Variants in RBM22 observed in about 807,000 individuals in gnomAD.
RBM22 encodes the protein RNA binding motif protein 22, also known as pre-mRNA-splicing factor RBM22.
A neutral mutation model predicts 50.1 loss-of-function variants in RBM22; 1 was observed. That is an observed-to-expected ratio of 0.02 (90% CI 0.01 to 0.09). RBM22 has a LOEUF of 0.09. RBM22 is among the 10% of genes least tolerant of loss of function. The pLI, the probability that RBM22 is intolerant of heterozygous loss-of-function variation, is 1.00. For missense variants in RBM22, 264 were observed against 529.3 expected, an observed-to-expected ratio of 0.50 and a Z score of 4.92; for synonymous variants, 152 against 179.0, an observed-to-expected ratio of 0.85 and a Z score of 1.20.
chr5:150,693,374 T>C (rs1759234745), intron 8 of RBM22, 67 bp from the exon 9 acceptor site: 1 of 1,258,150 alleles, frequency 7.9e-7, no homozygotes, highest in African/African-American at 1.5e-5. Flanking sequence ...GCTTCTTACA[T>C]TCCCCAGTCC....
intron 4 of RBM22, 145 bp from the exon 5 acceptor site, chr5:150,697,036 A>ATG (rs1454950182): frequency 3.1e-5 from 24 of 768,458 alleles, no homozygotes; most frequent in Non-Finnish European, 4.5e-5. Context: ...CAAACTCTTT[A>ATG]GCACCATCAG....
chr5:150,699,304 G>A, intron 2 of RBM22, 33 bp from the exon 3 acceptor site: 1 of 1,543,200 alleles, frequency 6.5e-7, no homozygotes, highest in Non-Finnish European at 8.7e-7. Flanking sequence ...AAGAACTGGA[G>A]TTACAGAAAG....
At chr5:150,699,058 G>A (rs1369104523) in intron 3 of RBM22, among the ~76,000 whole-genome samples, 184 bp downstream of exon 3, 2 of 152,110 alleles carry the variant, frequency 1.3e-5, no homozygotes, top group African/African-American at 4.8e-5. Flanking sequence ...CTCTACATTA[G>A]AGGGTTCATT....
intron 3 of RBM22, 45 bp from the exon 4 acceptor site, chr5:150,698,676 T>C (rs1759307397): frequency 1.3e-6 from 2 of 1,599,730 alleles, no homozygotes; most frequent in Non-Finnish European, 1.7e-6. Context: ...GGTCCTGATC[T>C]GGGCAATCTG....
chr5:150,700,644 G>C (rs905673195), intron 1 of RBM22, 147 bp from the exon 2 acceptor site: 1 of 1,532,434 alleles, frequency 6.5e-7, no homozygotes, highest in African/African-American at 1.4e-5. Flanking sequence ...GATCGCGGGA[G>C]GGGGCGCTGT....
At chr5:150,695,319 T>C in intron 7 of RBM22, 187 bp downstream of exon 7, 2 of 597,808 alleles carry the variant, frequency 3.3e-6, no homozygotes, top group Non-Finnish European at 5.9e-6. Flanking sequence ...CCCAGCCACA[T>C]AAGCACATTA....
chr5:150,699,466 TTA>T (rs1759317315), intron 2 of RBM22, among the ~76,000 whole-genome samples, 195 bp from the exon 3 acceptor site: 1 of 152,144 alleles, frequency 6.6e-6, no homozygotes, highest in Admixed American at 6.5e-5. Context: ...TAACAACATA[TTA>T]TAAGTGATAA....
At chr5:150,700,283 C>T (rs1759328649) in intron 2 of RBM22, among the ~76,000 whole-genome samples, 161 bp downstream of exon 2, 1 of 152,196 alleles carries the variant, frequency 6.6e-6, no homozygotes, top group South Asian at 2.1e-4. Context: ...TTACCGGATT[C>T]GTAAGAGAAT....
chr5:150,695,466 G>T, intron 7 of RBM22, 40 bp downstream of exon 7: 1 of 1,520,444 alleles, frequency 6.6e-7, no homozygotes, highest in Non-Finnish European at 9.0e-7. Flanking sequence ...TTCCAGGGCA[G>T]TTAAAGGCAA....
rs186354944 is a variant in RBM22, at chr5:150,696,226, C to T, written c.545+307G>A. Among the ~76,000 whole-genome samples, 81 of 152,206 alleles carry T rather than the reference C, an allele frequency of 5.3e-4. No individual in the cohort carries two copies. Among genetic ancestry groups the T allele is most frequent in the Middle Eastern group, 3.4e-3 (1 of 294 alleles). On this transcript the variant is annotated intron_variant, in intron 6 of 10. Coordinates refer to ENST00000199814, the MANE Select transcript of RBM22 (RefSeq NM_018047.3). The surrounding 1 kb of genome is among the most constrained non-coding windows in gnomAD (Gnocchi z 4.3). The stretch of plus-strand genomic sequence containing the variant: ...CTTTAGAAGTCTGACCTTACTTTGA[C>T]TTCAACTATACATTGAGAGTCAACT...
At chr5:150,700,898 C>T (rs1242269998) in intron 1 of RBM22, 34 bp downstream of exon 1, 21 of 1,614,200 alleles carry the variant, frequency 1.3e-5, no homozygotes, top group Non-Finnish European at 1.7e-5. Flanking sequence ...GGCTTCGCCT[C>T]CTCCTTCCAT....
chr5:150,698,946 A>G (rs1213939525), intron 3 of RBM22, among the ~76,000 whole-genome samples: 1 of 152,164 alleles, frequency 6.6e-6, no homozygotes, highest in Non-Finnish European at 1.5e-5. Context: ...GAAGCTTCTG[A>G]CAAGAATGAC....
In RBM22 at chr5:150,693,314, A is replaced by G. The variant is rs1178692204; in HGVS notation, c.912-7T>C. On this transcript the variant is annotated splice_region_variant and splice_polypyrimidine_tract_variant and intron_variant, in intron 8 of 10. Coordinates refer to ENST00000199814, the MANE Select transcript of RBM22 (RefSeq NM_018047.3). ...TCCTCTGGCTGCCTGGGATCTGGGA[A>G]ACACACATGCATACAGTCGGCACTC... 4 of 1,608,876 alleles carry G rather than the reference A, an allele frequency of 2.5e-6. No individual in the cohort carries two copies. The highest frequency in any genetic ancestry group is 4.5e-5 in the East Asian group (2 of 44,878).
chr5:150,696,655 T>A lies in RBM22; in HGVS notation c.423A>T (p.Thr141=). The change falls in exon 6 of 11, where the codon ACA becomes ACT. Residue 141 remains threonine (T), a synonymous_variant. Transcript: ENST00000199814. The surrounding 1 kb of genome is among the most constrained non-coding windows in gnomAD (Gnocchi z 4.3). ...TRPVGMLGKA[T]STSDMLLKLA... is the part of the protein sequence containing the mutation. ...GTTTGAGCAGCATGTCACTGGTAGA[T>A]GTGGCTTTCCCCAGCATGCCAACTG... The A allele has an allele frequency of 2.5e-6, 4 of 1,614,204 alleles. No individual in the cohort carries two copies. The highest frequency in any genetic ancestry group is 3.4e-6 in the Non-Finnish European group (4 of 1,180,028).
At position 150,696,825 on chromosome 5, in the gene RBM22, T is replaced by G; in HGVS notation, c.338A>C (p.Asn113Thr). 6.2e-7 allele frequency: 1 copy of G among 1,614,248 alleles called. No homozygotes were observed. Among genetic ancestry groups the G allele is most frequent in the South Asian group, 1.1e-5 (1 of 91,090 alleles). Residue 113 changes from asparagine (N) to threonine (T), a missense_variant, in exon 5 of 11, where the codon AAC becomes ACC. Physicochemically the swap from Asn to Thr is moderately conservative, Grantham distance 65. This residue lies in a region of RBM22 where 44 missense variants were observed against 57.9 expected (regional missense o/e 0.76). Coordinates refer to ENST00000199814, the MANE Select transcript of RBM22 (RefSeq NM_018047.3). This position sits in a 1 kb window ranked among gnomAD's most constrained non-coding sequence, Gnocchi z 4.3. ...FKDDMPKSDV[N>T]KEYYTQNMER... ...CATATTCTGTGTATAGTACTCTTTG[T>G]TGACATCTGACTTTGGCATGTCATC...
intron 7 of RBM22, 182 bp from the exon 8 acceptor site, chr5:150,694,422 GAAGGA>G (rs1759247932): frequency 7.4e-6 from 7 of 941,020 alleles, no homozygotes; most frequent in Non-Finnish European, 1.0e-5. Context: ...CTGATTGAGA[GAAGGA>G]AAGAAAAATA....
intron 9 of RBM22, 74 bp downstream of exon 9, chr5:150,693,145 C>G (rs75502342): frequency 1.9e-6 from 3 of 1,554,466 alleles, no homozygotes; most frequent in Non-Finnish European, 2.6e-6. Context: ...TGAACCAGAC[C>G]TGGGTCCCAT....
At chr5:150,699,157 C>A in intron 3 of RBM22, 85 bp downstream of exon 3, 2 of 1,510,016 alleles carry the variant, frequency 1.3e-6, no homozygotes, top group Non-Finnish European at 1.8e-6. Flanking sequence ...ACTGGAAGAC[C>A]TCAAAACTTA....
chr5:150,700,604 A>C (rs771767112), intron 1 of RBM22, 107 bp from the exon 2 acceptor site: 9 of 1,570,578 alleles, frequency 5.7e-6, no homozygotes, highest in Non-Finnish European at 7.8e-6. Context: ...GGAACTAGGC[A>C]CGGCAGGAAC....
Sources: gnomAD v4.1 joint callset for allele counts (sites outside exome capture counted in the v4.1 genomes callset) on GRCh38, gnomAD v4.1.1 for gene constraint, gnomAD v4.1.1 regional missense constraint, Gnocchi (gnomAD v3.1) non-coding constraint, MANE v1.5 for transcripts, NCBI Gene and HGNC (gene_info 2026-07-23, HGNC 2026-07-21) for gene names.